Variants in XKR9 observed in about 807,000 individuals in gnomAD.
XKR9 encodes the protein XK related 9, also known as XK-related protein 9.
Under a neutral mutation model 32.0 loss-of-function variants are expected in XKR9, and 32 were observed. The ratio of observed to expected loss-of-function variants is 1.00; its 90% confidence interval spans 0.76 to 1.34. XKR9 has a LOEUF of 1.34. Among genes scored for constraint, XKR9 ranks in the 40% most tolerant of loss-of-function variants. XKR9 has a pLI of 0.00. For synonymous variants in XKR9, 168 were observed against 143.4 expected (o/e 1.17, Z -1.22); for missense variants, 546 against 429.7 (o/e 1.27, Z -2.39).
chr8:70,758,389 A>G (rs776707682), intron 2 of XKR9, among the ~76,000 whole-genome samples: 2 of 152,158 alleles, frequency 1.3e-5, no homozygotes. Flanking sequence ...TCTGTACACT[A>G]GTCCCATCAA....
intron 2 of XKR9, among the ~76,000 whole-genome samples, chr8:70,754,892 C>G (rs543229404): frequency 1.3e-5 from 2 of 152,222 alleles, no homozygotes; most frequent in African/African-American, 4.8e-5. Flanking sequence ...GCAATGGCAA[C>G]AAAAGCCAAA....
intron 3 of XKR9, among the ~76,000 whole-genome samples, chr8:70,696,638 T>G (rs1805287638): frequency 6.9e-6 from 1 of 145,710 alleles, no homozygotes; most frequent in African/African-American, 2.5e-5. Flanking sequence ...CTTTGTTCTT[T>G]TGGCTTAGGA....
Position 70,745,703 on chromosome 8 carries a change from G to A in XKR9, n.352+38550G>A, listed in dbSNP as rs535006071. 3.3e-5 allele frequency among the ~76,000 whole-genome samples: 5 copies of A among 152,264 alleles called. No homozygotes were observed. The South Asian group carries it at 6.2e-4, about 19-fold the overall frequency. On this transcript the variant is annotated intron_variant and non_coding_transcript_variant, in intron 2 of 3. Coordinates refer to the XKR9 transcript ENST00000520273. ...TTAGTTTCAAAACAGCCACTAGAGG[G>A]CAATGGAACCACAGAGAAATTGGAC...
At chr8:70,917,511 A>G in the XKR9 span, among the ~76,000 whole-genome samples, 1 of 152,012 alleles carries the variant, frequency 6.6e-6, no homozygotes, top group Non-Finnish European at 1.5e-5. Context: ...TTATTTGGGT[A>G]TTAAATGCAT....
intron 2 of XKR9, among the ~76,000 whole-genome samples, chr8:70,755,331 C>T (rs1807205135): frequency 1.3e-5 from 2 of 152,276 alleles, no homozygotes; most frequent in South Asian, 2.1e-4. Context: ...CTAGTTCAAC[C>T]ATTGTGGAAG....
the XKR9 span, among the ~76,000 whole-genome samples, chr8:70,941,715 T>C: frequency 6.6e-6 from 1 of 152,154 alleles, no homozygotes; most frequent in Non-Finnish European, 1.5e-5. Flanking sequence ...ATTTTCAAAT[T>C]ATGGGAGTAA....
chr8:70,703,725 C>A (rs1290150273), intron 3 of XKR9, among the ~76,000 whole-genome samples: 1 of 152,058 alleles, frequency 6.6e-6, no homozygotes, highest in African/African-American at 2.4e-5. Flanking sequence ...TATTTGTAAT[C>A]AGTAGGGGAA....
chr8:70,904,444 C>CTT, the XKR9 span, among the ~76,000 whole-genome samples: 5 of 151,672 alleles, frequency 3.3e-5, no homozygotes, highest in African/African-American at 7.3e-5. Context: ...ACAAACCCTG[C>CTT]TTTTTTTTGC....
chr8:71,016,806 C>T, the XKR9 span, among the ~76,000 whole-genome samples: 1 of 151,160 alleles, frequency 6.6e-6, no homozygotes, highest in African/African-American at 2.4e-5. Context: ...AAGTACATAT[C>T]TATTAAATTC....
the XKR9 span, among the ~76,000 whole-genome samples, chr8:70,864,530 T>C: frequency 6.6e-6 from 1 of 152,204 alleles, no homozygotes; most frequent in East Asian, 1.9e-4. Context: ...AATTTCATCA[T>C]GGGTTTTTTG....
downstream of XKR9, among the ~76,000 whole-genome samples, chr8:70,739,629 T>C (rs1240717707): frequency 2.0e-5 from 3 of 152,138 alleles, no homozygotes; most frequent in African/African-American, 4.8e-5. Flanking sequence ...CCATGTTTAG[T>C]GCTTCCTTCA....
At chr8:70,767,496 CTT>C (rs34400671) in intron 2 of XKR9, among the ~76,000 whole-genome samples, 26,429 of 97,624 alleles carry the variant, frequency 0.27, 2,004 homozygotes, top group Admixed American at 0.39. Context: ...TCTTTTCCTT[CTT>C]TTTTTTTTTT....
the XKR9 span, among the ~76,000 whole-genome samples, chr8:70,799,365 C>G: frequency 1.3e-5 from 2 of 152,256 alleles, no homozygotes; most frequent in South Asian, 4.1e-4. Flanking sequence ...GAGTCTCACT[C>G]TGTAGCCCAA....
At chr8:70,956,028 C>T in the XKR9 span, among the ~76,000 whole-genome samples, 1 of 152,174 alleles carries the variant, frequency 6.6e-6, no homozygotes, top group Non-Finnish European at 1.5e-5. Context: ...CTCGGGAAGC[C>T]CCTGGGTCTG....
chr8:70,878,003 A>T, the XKR9 span, among the ~76,000 whole-genome samples: 1 of 152,186 alleles, frequency 6.6e-6, no homozygotes, highest in African/African-American at 2.4e-5. Flanking sequence ...GGGGGCCAAT[A>T]TTCAACATTC....
chr8:70,871,153 A>G, the XKR9 span, among the ~76,000 whole-genome samples: 1 of 152,190 alleles, frequency 6.6e-6, no homozygotes, highest in Non-Finnish European at 1.5e-5. Flanking sequence ...ATGATTTTCT[A>G]TTATTTAAAA....
chr8:70,850,960 G>C, the XKR9 span, among the ~76,000 whole-genome samples: 1 of 151,918 alleles, frequency 6.6e-6, no homozygotes, highest in African/African-American at 2.4e-5. Context: ...AGAAATAAAG[G>C]GTATTCAAAT....
the XKR9 span, among the ~76,000 whole-genome samples, chr8:70,920,193 G>T: frequency 6.6e-6 from 1 of 152,098 alleles, no homozygotes; most frequent in Non-Finnish European, 1.5e-5. Context: ...ATGCAGCTTT[G>T]TCTGTCCTAT....
chr8:70,692,283 C>T (rs1477016153), intron 3 of XKR9, among the ~76,000 whole-genome samples: 1 of 152,054 alleles, frequency 6.6e-6, no homozygotes, highest in Non-Finnish European at 1.5e-5. Flanking sequence ...TGCACCTTTG[C>T]TGAAGTTGTT....
Sources: allele counts gnomAD v4.1 joint callset (sites outside exome capture counted in the v4.1 genomes callset), GRCh38; gene constraint gnomAD v4.1.1; transcripts MANE v1.5; gene names NCBI Gene and HGNC (gene_info 2026-07-23, HGNC 2026-07-21).